Variants in ARHGEF28 observed in about 807,000 individuals in gnomAD.
ARHGEF28 encodes Rho guanine nucleotide exchange factor 28.
Under a neutral mutation model 206.6 loss-of-function variants are expected in ARHGEF28, and 152 were observed. That is an observed-to-expected ratio of 0.74 (90% confidence interval 0.64 to 0.84). ARHGEF28 has a LOEUF of 0.84. ARHGEF28 is among the 40% of genes least tolerant of loss of function. The pLI, the probability that ARHGEF28 is intolerant of heterozygous loss-of-function variation, is 0.00. For synonymous variants in ARHGEF28, 763 were observed against 776.4 expected, an observed-to-expected ratio of 0.98 and a Z score of 0.29; for missense variants, 2,028 against 2,073.2, an observed-to-expected ratio of 0.98 and a Z score of 0.42.
intron 1 of ARHGEF28, among the ~76,000 whole-genome samples, chr5:73,641,214 G>C (rs1744070576): frequency 6.6e-6 from 1 of 152,142 alleles, no homozygotes; most frequent in Non-Finnish European, 1.5e-5. Context: ...CCACCAAAGA[G>C]ATTTGTGTAA....
At chr5:73,658,707 C>T (rs1247904679) in intron 1 of ARHGEF28, among the ~76,000 whole-genome samples, 1 of 152,120 alleles carries the variant, frequency 6.6e-6, no homozygotes, top group African/African-American at 2.4e-5. Flanking sequence ...ATTGGCAGAA[C>T]ATAACCTGGT....
At chr5:73,715,162 G>T (rs1165183788) in intron 2 of ARHGEF28, among the ~76,000 whole-genome samples, 2 of 152,182 alleles carry the variant, frequency 1.3e-5, no homozygotes, top group Admixed American at 1.3e-4. Context: ...TAATTGCGAG[G>T]TGGCTGGAAA....
At chr5:73,789,702 A>G (rs1452860472) in intron 7 of ARHGEF28, among the ~76,000 whole-genome samples, 3 of 151,948 alleles carry the variant, frequency 2.0e-5, no homozygotes, top group Non-Finnish European at 1.5e-5. Context: ...TTTTGATACA[A>G]AAGACTTTAT....
In ARHGEF28 at chr5:73,739,850, A is replaced by C. The variant is rs941738905; in HGVS notation, c.34-9987A>C. ...ATAAAAATAAATAAATAAATAAATA[A>C]ATAAATAAATAAATAAAAATAAAAA... On this transcript the variant is annotated intron_variant, in intron 2 of 35. Transcript: ENST00000513042. 1.5e-3 allele frequency among the ~76,000 whole-genome samples: 222 copies of C among 145,942 alleles called. 3 individuals carry two copies. The highest frequency in any genetic ancestry group is 5.3e-3 in the African/African-American group (214 of 40,016).
intron 9 of ARHGEF28, among the ~76,000 whole-genome samples, chr5:73,807,386 G>A (rs1401739962): frequency 1.3e-5 from 2 of 151,840 alleles, no homozygotes; most frequent in Non-Finnish European, 2.9e-5. Flanking sequence ...CTTCATCAAG[G>A]TTTCCTGTTG....
intron 11 of ARHGEF28, among the ~76,000 whole-genome samples, chr5:73,843,057 A>G (rs1297326150): frequency 6.6e-6 from 1 of 151,934 alleles, no homozygotes; most frequent in Non-Finnish European, 1.5e-5. Flanking sequence ...TAAGTTCTTT[A>G]GAAGTCTTCT....
At chr5:73,901,938 G>C (rs1173154470) in intron 31 of ARHGEF28, 2 of 152,120 alleles carry the variant, frequency 1.3e-5, no homozygotes, top group Non-Finnish European at 2.9e-5. Flanking sequence ...GTCAGAAATA[G>C]GGAAGGAATA....
chr5:73,663,384 G>C lies in ARHGEF28; in HGVS notation c.-11-21457G>C, dbSNP rs149913732. Reference sequence around the variant, plus strand: ...GCTGGATCTGCTCTCTCCAGGACTGGTGTGCCCTCGTTTCTTTCCTCTGTC... The same window carrying C: ...GCTGGATCTGCTCTCTCCAGGACTGCTGTGCCCTCGTTTCTTTCCTCTGTC... On this transcript the variant is annotated intron_variant, in intron 1 of 35. Coordinates refer to ENST00000513042, the MANE Select transcript of ARHGEF28 (RefSeq NM_001177693.2). Among the ~76,000 whole-genome samples the C allele has an allele frequency of 3.3e-3, 505 of 152,312 alleles. 1 individual carries two copies. Among genetic ancestry groups the C allele is most frequent in the Non-Finnish European group, 5.4e-3 (364 of 68,034 alleles).
chr5:73,718,306 G>C (rs1561354699), intron 2 of ARHGEF28, among the ~76,000 whole-genome samples: 1 of 152,126 alleles, frequency 6.6e-6, no homozygotes, highest in Non-Finnish European at 1.5e-5. Flanking sequence ...CTGTCTGCTG[G>C]GTAGCAGAAG....
At chr5:73,746,360 G>A (rs2112388538) in intron 2 of ARHGEF28, among the ~76,000 whole-genome samples, 1 of 152,162 alleles carries the variant, frequency 6.6e-6, no homozygotes, top group Admixed American at 6.5e-5. Flanking sequence ...GCCAAAGATT[G>A]TAACAATGTA....
intron 1 of ARHGEF28, among the ~76,000 whole-genome samples, chr5:73,632,559 G>A (rs767911809): frequency 6.6e-6 from 1 of 152,132 alleles, no homozygotes; most frequent in Non-Finnish European, 1.5e-5. Context: ...TCACAGTTCT[G>A]CTATGTGGAG....
chr5:73,862,993 A>C (rs1759490271), intron 16 of ARHGEF28: 1 of 152,006 alleles, frequency 6.6e-6, no homozygotes, highest in Admixed American at 6.6e-5. Flanking sequence ...TTTTCACACA[A>C]GAAAAACAAC....
intron 9 of ARHGEF28, among the ~76,000 whole-genome samples, chr5:73,797,714 GCCCAGT>G (rs1421036810): frequency 1.3e-5 from 2 of 152,112 alleles, no homozygotes; most frequent in Admixed American, 1.3e-4. Flanking sequence ...GCTTTATTCT[GCCCAGT>G]CTCTGAGGAA....
chr5:73,691,225 C>T (rs1452512434), intron 2 of ARHGEF28, among the ~76,000 whole-genome samples: 1 of 152,098 alleles, frequency 6.6e-6, no homozygotes, highest in African/African-American at 2.4e-5. Context: ...CCACTGTGCC[C>T]AGTGAAATTC....
rs1561495165 is a variant in ARHGEF28 at position 73,897,962 on chromosome 5, C to G, written c.3842C>G (p.Ala1281Gly). 1.3e-6 allele frequency: 2 copies of G among 1,570,902 alleles called. No individual in the cohort carries two copies. Among genetic ancestry groups the G allele is most frequent in the South Asian group, 1.2e-5 (1 of 85,482 alleles). Reference sequence around the variant, plus strand: ...TTATTTTTGTTTTTCTCCATCTTAGCTGAGAGCCTACAAGTTGCAGTGAAG... The same window carrying G: ...TTATTTTTGTTTTTCTCCATCTTAGGTGAGAGCCTACAAGTTGCAGTGAAG... ...ASLLAAALKE[A>G]ESLQVAVKAS... Residue 1281 changes from alanine (A) to glycine (G), a missense_variant and splice_region_variant, in exon 30 of 36, where the codon GCT becomes GGT. Physicochemically the swap from Ala to Gly is moderately conservative, Grantham distance 60. Coordinates refer to ENST00000513042, the MANE Select transcript of ARHGEF28 (RefSeq NM_001177693.2).
At chr5:73,880,928 C>A (rs1760881588) in intron 22 of ARHGEF28, among the ~76,000 whole-genome samples, 1 of 110,946 alleles carries the variant, frequency 9.0e-6, no homozygotes, top group Non-Finnish European at 1.9e-5. Flanking sequence ...AGAAGTGGCA[C>A]CCTGCCTCAA....
chr5:73,707,633 A>G (rs962195379), intron 2 of ARHGEF28, among the ~76,000 whole-genome samples: 1 of 152,228 alleles, frequency 6.6e-6, no homozygotes, highest in African/African-American at 2.4e-5. Flanking sequence ...GTCCCTGACT[A>G]GTATGCAGAG....
At chr5:73,863,870 C>T (rs1759545914) in intron 16 of ARHGEF28, among the ~76,000 whole-genome samples, 1 of 152,016 alleles carries the variant, frequency 6.6e-6, no homozygotes, top group Non-Finnish European at 1.5e-5. Flanking sequence ...TGCTTGCTGG[C>T]CACTGGCGTG....
chr5:73,677,933 G>C (rs1302105508), intron 1 of ARHGEF28, among the ~76,000 whole-genome samples: 1 of 152,256 alleles, frequency 6.6e-6, no homozygotes, highest in Non-Finnish European at 1.5e-5. Context: ...ATGAAATATA[G>C]AGGGTGGCAT....
Sources: gnomAD v4.1 joint callset for allele counts (sites outside exome capture counted in the v4.1 genomes callset) on GRCh38, gnomAD v4.1.1 for gene constraint, MANE v1.5 for transcripts, NCBI Gene and HGNC (gene_info 2026-07-23, HGNC 2026-07-21) for gene names.